NAALADL2: variants seen among roughly 807,000 people sequenced by gnomAD.
NAALADL2 encodes inactive N-acetylated-alpha-linked acidic dipeptidase-like protein 2.
Under a neutral mutation model 87.2 loss-of-function variants are expected in NAALADL2, and 76 were observed. That is an observed-to-expected ratio of 0.87 (90% CI 0.72 to 1.05). The LOEUF is 1.05. Ranked by LOEUF, NAALADL2 falls within the 50% of genes least tolerant of loss-of-function variation. The pLI, the probability that NAALADL2 is intolerant of heterozygous loss-of-function variation, is 0.00. For missense variants in NAALADL2, 1,089 were observed against 945.8 expected (o/e 1.15, Z -1.99); for synonymous variants, 354 against 331.0 (o/e 1.07, Z -0.75).
At chr3:175,564,485 C>A (rs538415696) in intron 9 of NAALADL2, among the ~76,000 whole-genome samples, 38 of 152,152 alleles carry the variant, frequency 2.5e-4, no homozygotes, top group African/African-American at 8.9e-4. Flanking sequence ...TGCCTGGCAG[C>A]TGGAATACAT....
chr3:175,104,401 A>G (rs1456431230), intron 2 of NAALADL2, among the ~76,000 whole-genome samples: 1 of 152,132 alleles, frequency 6.6e-6, no homozygotes, highest in Non-Finnish European at 1.5e-5. Flanking sequence ...TTTTTCACTG[A>G]CATGCTTTTG....
chr3:174,782,321 A>G (rs1716086522), intron 3 of NAALADL2, among the ~76,000 whole-genome samples: 1 of 152,144 alleles, frequency 6.6e-6, no homozygotes, highest in African/African-American at 2.4e-5. Flanking sequence ...GTGTGTTTTA[A>G]TAGAGTAATT....
At chr3:175,441,974 C>T (rs946353609) in intron 5 of NAALADL2, among the ~76,000 whole-genome samples, 1 of 152,060 alleles carries the variant, frequency 6.6e-6, no homozygotes, top group African/African-American at 2.4e-5. Flanking sequence ...TGGAGTCTCG[C>T]TCTTTTGCCC....
At chr3:174,511,536 AT>A (rs570570694) in intron 1 of NAALADL2, among the ~76,000 whole-genome samples, 13 of 150,246 alleles carry the variant, frequency 8.7e-5, no homozygotes, top group South Asian at 4.2e-4. Flanking sequence ...CTTTTAATCT[AT>A]TTTTTTTCAT....
At chr3:174,693,415 T>C (rs1299565145) in intron 2 of NAALADL2, among the ~76,000 whole-genome samples, 2 of 152,132 alleles carry the variant, frequency 1.3e-5, no homozygotes, top group Non-Finnish European at 2.9e-5. Context: ...TTTTGGAAAA[T>C]AAATTGTTCA....
intron 2 of NAALADL2, among the ~76,000 whole-genome samples, chr3:174,644,747 C>T (rs921441435): frequency 2.6e-5 from 4 of 152,176 alleles, no homozygotes; most frequent in African/African-American, 9.7e-5. Flanking sequence ...TGAGTATTAT[C>T]TGTTGTTTTT....
intron 7 of NAALADL2, among the ~76,000 whole-genome samples, chr3:175,463,736 G>GAGAGAGAGA (rs1560592659): frequency 6.2e-5 from 9 of 145,104 alleles, no homozygotes; most frequent in African/African-American, 2.1e-4. Flanking sequence ...GAGAGAGAGA[G>GAGAGAGAGA]GTGGGGATCT....
chr3:174,442,118 T>C lies in NAALADL2; in HGVS notation c.-184+1086T>C, dbSNP rs550613562. ...TTTGGTAACGGTTCTTTGTCATCTG[T>C]GAGTTAGATTCTGTGCTGACTGGTG... On this transcript the variant is annotated intron_variant, in intron 1 of 3. Coordinates refer to the NAALADL2 transcript ENST00000434257. Among the ~76,000 whole-genome samples the C allele has an allele frequency of 1.4e-3, 213 of 152,274 alleles. 2 individuals carry two copies. The highest frequency in any genetic ancestry group is 4.9e-3 in the African/African-American group (202 of 41,536).
chr3:174,948,323 T>C (rs551531328), intron 1 of NAALADL2, among the ~76,000 whole-genome samples: 1 of 152,166 alleles, frequency 6.6e-6, no homozygotes, highest in African/African-American at 2.4e-5. Context: ...ACTATAGGCG[T>C]GTGCCACCAA....
At chr3:175,101,385 G>A (rs1004304434) in intron 2 of NAALADL2, among the ~76,000 whole-genome samples, 2 of 152,194 alleles carry the variant, frequency 1.3e-5, no homozygotes, top group African/African-American at 4.8e-5. Flanking sequence ...AGCCAGTTGA[G>A]ATGCTGGTTA....
intron 2 of NAALADL2, among the ~76,000 whole-genome samples, chr3:175,223,669 T>G (rs1467258850): frequency 6.6e-6 from 1 of 152,188 alleles, no homozygotes; most frequent in East Asian, 1.9e-4. Flanking sequence ...TATAAAAATT[T>G]GAATCCAGTG....
At chr3:174,792,392 A>G (rs962684117) in intron 3 of NAALADL2, among the ~76,000 whole-genome samples, 2 of 152,162 alleles carry the variant, frequency 1.3e-5, no homozygotes, top group Admixed American at 1.3e-4. Flanking sequence ...TTAAAACTAG[A>G]TAAATCCTCA....
intron 5 of NAALADL2, among the ~76,000 whole-genome samples, chr3:175,380,464 A>T (rs1267230573): frequency 6.6e-6 from 1 of 151,912 alleles, no homozygotes; most frequent in Non-Finnish European, 1.5e-5. Context: ...TCATTTTTCC[A>T]TTTTTTTCCG....
At chr3:175,742,904 G>A (rs1745436309) in intron 12 of NAALADL2, among the ~76,000 whole-genome samples, 1 of 152,122 alleles carries the variant, frequency 6.6e-6, no homozygotes, top group Non-Finnish European at 1.5e-5. Flanking sequence ...ATCTCTTTGA[G>A]GACAAGGATG....
intron 11 of NAALADL2, among the ~76,000 whole-genome samples, chr3:175,726,408 A>G (rs1334618209): frequency 6.6e-6 from 1 of 152,164 alleles, no homozygotes; most frequent in African/African-American, 2.4e-5. Context: ...GCCAGTGAAC[A>G]GGATAGTTCA....
intron 2 of NAALADL2, among the ~76,000 whole-genome samples, chr3:174,562,959 A>G (rs1262778132): frequency 1.3e-5 from 2 of 152,186 alleles, no homozygotes; most frequent in Admixed American, 1.3e-4. Context: ...ACATGAACAC[A>G]AAGTTATATT....
At chr3:175,670,467 T>G (rs1009505170) in intron 11 of NAALADL2, among the ~76,000 whole-genome samples, 63 of 136,638 alleles carry the variant, frequency 4.6e-4, no homozygotes, top group African/African-American at 1.3e-3. Context: ...TTTAATATAT[T>G]TATATTAAAT....
chr3:174,620,183 G>A (rs1720860920), intron 2 of NAALADL2, among the ~76,000 whole-genome samples: 2 of 152,072 alleles, frequency 1.3e-5, no homozygotes, highest in South Asian at 4.1e-4. Context: ...CACCTACTAT[G>A]TGCCTGACAC....
intron 11 of NAALADL2, among the ~76,000 whole-genome samples, chr3:175,643,266 T>G (rs943895795): frequency 1.3e-5 from 2 of 152,214 alleles, no homozygotes; most frequent in African/African-American, 4.8e-5. Context: ...TGTTTACCTA[T>G]TGTTCTACTG....
Sources: gnomAD v4.1 joint callset for allele counts (sites outside exome capture counted in the v4.1 genomes callset) on GRCh38, gnomAD v4.1.1 for gene constraint, MANE v1.5 for transcripts, NCBI Gene and HGNC (gene_info 2026-07-23, HGNC 2026-07-21) for gene names.